SEZ6L: variants seen among roughly 807,000 people sequenced by gnomAD.
The protein encoded by SEZ6L is seizure 6-like protein.
SEZ6L carries 37 observed loss-of-function variants against 106.2 expected under a neutral mutation model. The ratio of observed to expected loss-of-function variants is 0.35; its 90% confidence interval spans 0.27 to 0.46. The LOEUF is 0.46. Ranked by LOEUF, SEZ6L falls within the 20% of genes least tolerant of loss-of-function variation. The probability of loss-of-function intolerance (pLI) is 1.00; values close to 1 mark genes in which losing one functional copy is unlikely to be tolerated. For missense variants in SEZ6L, 1,172 were observed against 1,332.8 expected, an observed-to-expected ratio of 0.88 and a Z score of 1.88; for synonymous variants, 541 against 570.4, an observed-to-expected ratio of 0.95 and a Z score of 0.73.
chr22:26,226,375 C>G (rs1283409118), intron 1 of SEZ6L, among the ~76,000 whole-genome samples: 1 of 152,238 alleles, frequency 6.6e-6, no homozygotes, highest in Admixed American at 6.5e-5. Flanking sequence ...ACACACTTCC[C>G]TCCAACTTTC....
chr22:26,340,068 C>CT (rs916563181), intron 9 of SEZ6L, among the ~76,000 whole-genome samples: 13 of 152,108 alleles, frequency 8.5e-5, no homozygotes, highest in Admixed American at 3.3e-4. Context: ...AACCCCATCT[C>CT]TACTAAATAC....
chr22:26,280,051 G>A (rs959520808), intron 1 of SEZ6L, among the ~76,000 whole-genome samples: 5 of 152,126 alleles, frequency 3.3e-5, no homozygotes, highest in African/African-American at 1.2e-4. Flanking sequence ...CTCTCTTTGA[G>A]CCCAAACCTC....
chr22:26,287,487 A>T (rs1207470947), intron 1 of SEZ6L, among the ~76,000 whole-genome samples: 2 of 152,184 alleles, frequency 1.3e-5, no homozygotes, highest in Non-Finnish European at 2.9e-5. Flanking sequence ...AGAAAATTTT[A>T]AATGTTCTGA....
At chr22:26,226,102 C>T (rs1486200635) in intron 1 of SEZ6L, among the ~76,000 whole-genome samples, 1 of 152,214 alleles carries the variant, frequency 6.6e-6, no homozygotes, top group Non-Finnish European at 1.5e-5. Flanking sequence ...CATCAGCTCT[C>T]ACCTGGCCAA....
At chr22:26,268,492 C>T (rs536171247) in intron 1 of SEZ6L, among the ~76,000 whole-genome samples, 3 of 152,310 alleles carry the variant, frequency 2.0e-5, no homozygotes, top group Admixed American at 1.3e-4. Flanking sequence ...AGCACACTCC[C>T]TCTTCAGTAG....
At chr22:26,276,895 G>A (rs146013345) in intron 1 of SEZ6L, among the ~76,000 whole-genome samples, 5 of 152,304 alleles carry the variant, frequency 3.3e-5, no homozygotes, top group East Asian at 1.9e-4. Context: ...GGGTAAGATC[G>A]TGCGCCTGTG....
chr22:26,316,383 TGCCTA>T (rs2081997208), intron 9 of SEZ6L, among the ~76,000 whole-genome samples: 1 of 152,194 alleles, frequency 6.6e-6, no homozygotes, highest in Non-Finnish European at 1.5e-5. Flanking sequence ...TCACCCTGCA[TGCCTA>T]GCAGGTGAGG....
At chr22:26,265,662 T>A (rs1413847023) in intron 1 of SEZ6L, among the ~76,000 whole-genome samples, 1 of 152,224 alleles carries the variant, frequency 6.6e-6, no homozygotes, top group Non-Finnish European at 1.5e-5. Flanking sequence ...TATTTTTCTT[T>A]AAGAAATAAA....
chr22:26,271,016 G>C (rs548857630), intron 1 of SEZ6L, among the ~76,000 whole-genome samples: 2 of 152,202 alleles, frequency 1.3e-5, no homozygotes, highest in African/African-American at 4.8e-5. Flanking sequence ...AGGATGAAGC[G>C]TGGCCAGTCG....
At chr22:26,263,919 T>G (rs1242605943) in intron 1 of SEZ6L, among the ~76,000 whole-genome samples, 1 of 152,230 alleles carries the variant, frequency 6.6e-6, no homozygotes, top group Non-Finnish European at 1.5e-5. Flanking sequence ...ATCTCTCACC[T>G]GGACTGATCT....
intron 1 of SEZ6L, among the ~76,000 whole-genome samples, chr22:26,178,250 C>G (rs1028642241): frequency 6.6e-6 from 1 of 152,172 alleles, no homozygotes; most frequent in African/African-American, 2.4e-5. Context: ...AAGGCACCAG[C>G]AGATAAGCTT....
chr22:26,355,535 T>C (rs2083411762), intron 12 of SEZ6L, among the ~76,000 whole-genome samples: 1 of 152,074 alleles, frequency 6.6e-6, no homozygotes, highest in African/African-American at 2.4e-5. Flanking sequence ...TCCAGACCAG[T>C]GTGGCCAACA....
At chr22:26,293,796 C>T (rs905155073) in intron 2 of SEZ6L, among the ~76,000 whole-genome samples, 2 of 152,216 alleles carry the variant, frequency 1.3e-5, no homozygotes, top group African/African-American at 2.4e-5. Flanking sequence ...TTGCTTTTAG[C>T]ATTACATGTA....
intron 5 of SEZ6L, among the ~76,000 whole-genome samples, chr22:26,304,366 AAAG>A (rs1157196182): frequency 2.1e-4 from 18 of 85,348 alleles, no homozygotes; most frequent in South Asian, 9.5e-4. Context: ...AAAAAAAAAG[AAAG>A]AAGAAAGAAA....
intron 1 of SEZ6L, among the ~76,000 whole-genome samples, chr22:26,178,999 T>C (rs1041659484): frequency 2.0e-5 from 3 of 152,132 alleles, no homozygotes; most frequent in African/African-American, 7.2e-5. Flanking sequence ...TAGGTTGAAA[T>C]CCAACCCCTC....
chr22:26,353,336 A>G (rs2083337522), intron 12 of SEZ6L, among the ~76,000 whole-genome samples: 1 of 152,226 alleles, frequency 6.6e-6, no homozygotes, highest in African/African-American at 2.4e-5. Context: ...ATGTGTGTGT[A>G]TATATAGTGT....
intron 1 of SEZ6L, among the ~76,000 whole-genome samples, chr22:26,263,118 T>C (rs548348694): frequency 2.9e-4 from 44 of 152,216 alleles, no homozygotes; most frequent in Non-Finnish European, 6.2e-4. Flanking sequence ...CTTCCCATGG[T>C]CTACCGGGTG....
At chr22:26,350,958 G>C (rs551683157) in intron 11 of SEZ6L, 94 bp from the exon 12 acceptor site, 179 of 1,378,084 alleles carry the variant, frequency 1.3e-4, no homozygotes, top group Non-Finnish European at 1.6e-4. Context: ...ACCCGGCCAA[G>C]TTAGGAAACT....
chr22:26,290,827 G>A (rs1197983831), intron 1 of SEZ6L, among the ~76,000 whole-genome samples: 1 of 152,196 alleles, frequency 6.6e-6, no homozygotes, highest in Non-Finnish European at 1.5e-5. Flanking sequence ...CCTCTGCCCA[G>A]CCTCCAAGCC....
Sources: gnomAD v4.1 joint callset for allele counts (sites outside exome capture counted in the v4.1 genomes callset) on GRCh38, gnomAD v4.1.1 for gene constraint, MANE v1.5 for transcripts, NCBI Gene and HGNC (gene_info 2026-07-23, HGNC 2026-07-21) for gene names.